WASHC2A: variants seen among roughly 807,000 people sequenced by gnomAD.
The protein encoded by WASHC2A is WASH complex subunit FAM21A.
In WASHC2A, 82 loss-of-function variants were observed where a neutral mutation model predicts 140.3. That is an observed-to-expected ratio of 0.58 (90% confidence interval 0.49 to 0.70). The LOEUF is 0.70. WASHC2A is among the 30% of genes least tolerant of loss of function. The pLI is 0.00. For synonymous variants in WASHC2A, 340 were observed against 560.8 expected, an observed-to-expected ratio of 0.61 and a Z score of 5.56; for missense variants, 985 against 1,521.8, an observed-to-expected ratio of 0.65 and a Z score of 5.87.
intron 8 of WASHC2A, among the ~76,000 whole-genome samples, chr10:50,090,515 A>AAAAATATATATATATATATATAT (rs1214596899): frequency 4.0e-4 from 43 of 108,710 alleles, no homozygotes; most frequent in African/African-American, 1.3e-3. Context: ...AAAAAAAAAA[A>AAAAATATATATATATATATATAT]ATATATATAT....
rs782757963 is a variant in WASHC2A at position 50,095,739 on chromosome 10, G to C, written c.1381G>C (p.Asp461His). Residue 461 changes from aspartate to histidine, a missense_variant, in exon 15 of 31, where the codon GAC becomes CAC. Asp to His is a moderately conservative substitution (Grantham distance 81, BLOSUM62 -1). Transcript: ENST00000282633. Reference protein sequence around the residue: ...FDDDDGDDDDDFFSAPHSKPS... With the variant: ...FDDDDGDDDDHFFSAPHSKPS... Reference sequence around the variant, plus strand: ...TGATGATGATGGTGATGATGATGACGACTTTTTCTCGGCACCCCACAGCAA... The same window carrying C: ...TGATGATGATGGTGATGATGATGACCACTTTTTCTCGGCACCCCACAGCAA... 3 of 1,611,144 alleles carry C rather than the reference G, an allele frequency of 1.9e-6. No individual in the cohort carries two copies. Among genetic ancestry groups the C allele is most frequent in the Non-Finnish European group, 1.7e-6 (2 of 1,179,618 alleles).
At chr10:50,095,916 G>A in intron 15 of WASHC2A, 138 bp downstream of exon 15, 2 of 1,041,404 alleles carry the variant, frequency 1.9e-6, no homozygotes, top group Non-Finnish European at 2.8e-6. Flanking sequence ...GAGTTGTTGT[G>A]TCTGTACTTA....
rs1337755945 is a variant in WASHC2A, at chr10:50,098,904, C to G, written c.1549-1074C>G. On this transcript the variant is annotated intron_variant, in intron 16 of 30. Transcript: ENST00000282633. ...GACACATCAGGTCCACTGTCTGCCT[C>G]ATTCAGACACGTTTGTCACTTGGTT... 2.0e-5 allele frequency among the ~76,000 whole-genome samples: 3 copies of G among 150,362 alleles called. No homozygotes were observed. The East Asian group carries it at 6.0e-4, about 30-fold the overall frequency.
At chr10:50,132,538 G>A (rs1372386394) in intron 30 of WASHC2A, among the ~76,000 whole-genome samples, 1 of 152,180 alleles carries the variant, frequency 6.6e-6, no homozygotes, top group Non-Finnish European at 1.5e-5. Flanking sequence ...ATCAAGTTAC[G>A]CTTCCCTTTT....
At chr10:50,068,882 T>C (rs1370078133) in intron 2 of WASHC2A, among the ~76,000 whole-genome samples, 1 of 145,268 alleles carries the variant, frequency 6.9e-6, no homozygotes, top group Non-Finnish European at 1.5e-5. Context: ...CTGATTTGTT[T>C]ATTTATTTAA....
intron 20 of WASHC2A, among the ~76,000 whole-genome samples, chr10:50,110,820 G>C (rs1842219998): frequency 6.7e-6 from 1 of 150,044 alleles, no homozygotes; most frequent in Non-Finnish European, 1.5e-5. Context: ...TTGAACTTGG[G>C]AGGTGGAGGT....
At chr10:50,101,843 C>T (rs1554886933) in intron 17 of WASHC2A, among the ~76,000 whole-genome samples, 3 of 148,376 alleles carry the variant, frequency 2.0e-5, no homozygotes, top group Non-Finnish European at 3.0e-5. Flanking sequence ...TGTCTGGTAC[C>T]TGGGCACTGG....
At chr10:50,132,216 G>A (rs537380370) in intron 30 of WASHC2A, among the ~76,000 whole-genome samples, 3 of 152,300 alleles carry the variant, frequency 2.0e-5, no homozygotes, top group South Asian at 4.1e-4. Context: ...TACCATTTGT[G>A]TACACCTAAC....
intron 3 of WASHC2A, among the ~76,000 whole-genome samples, chr10:50,075,117 A>G (rs1362668916): frequency 6.6e-6 from 1 of 151,908 alleles, no homozygotes; most frequent in Non-Finnish European, 1.5e-5. Context: ...AACTTATTTA[A>G]CCCATCTTTG....
In WASHC2A at chr10:50,095,298, G is replaced by A. The variant is rs1840364944; in HGVS notation, c.1240+91G>A. 7.8e-6 allele frequency: 9 copies of A among 1,147,512 alleles called. No homozygotes were observed. In the South Asian group the frequency reaches 8.0e-5, roughly 10 times the overall value. The allele number at this position is 1,147,512 out of a possible 1,614,324, so 71.1% of individuals were successfully genotyped here. A position where few individuals can be genotyped will look rare whatever the true frequency, so the allele number is the denominator to read the frequency against. On this transcript the variant is annotated intron_variant, in intron 14 of 30. Coordinates refer to ENST00000282633, the MANE Select transcript of WASHC2A (RefSeq NM_001005751.3). ...CATCTTCTAAAGTCTGGCTGGAGATGAGGAAGTACCTGGGAGCTTCAAAGG... is the reference window on the plus strand; with the variant it reads ...CATCTTCTAAAGTCTGGCTGGAGATAAGGAAGTACCTGGGAGCTTCAAAGG...
chr10:50,073,109 A>G (rs1392758805), intron 3 of WASHC2A, among the ~76,000 whole-genome samples: 2 of 152,206 alleles, frequency 1.3e-5, no homozygotes, highest in African/African-American at 2.4e-5. Context: ...CCAGTGTTCT[A>G]GTGTCTAATT....
chr10:50,101,912 C>T (rs1554886953), intron 17 of WASHC2A, among the ~76,000 whole-genome samples: 4 of 152,062 alleles, frequency 2.6e-5, no homozygotes, highest in African/African-American at 4.8e-5. Flanking sequence ...TCAGGGAAGC[C>T]GGTCCTCTTA....
rs1175760049 is a variant in WASHC2A, at chr10:50,092,052, G to A, written c.932-110G>A. The A allele has an allele frequency of 4.5e-6, 7 of 1,561,340 alleles. No homozygotes were observed. In the Admixed American group the frequency reaches 1.3e-4, roughly 28 times the overall value. On this transcript the variant is annotated intron_variant, in intron 10 of 30. Coordinates refer to ENST00000282633, the MANE Select transcript of WASHC2A (RefSeq NM_001005751.3). The stretch of plus-strand genomic sequence containing the variant: ...TCTGGTGCAGCTGAGATGAAAGGCA[G>A]ATGTCTTGCTCTTAGCTGTGAGTTA...
chr10:50,124,178 C>T (rs1259334937), intron 23 of WASHC2A, among the ~76,000 whole-genome samples: 1 of 152,064 alleles, frequency 6.6e-6, no homozygotes, highest in African/African-American at 2.4e-5. Context: ...GATCTCGGCC[C>T]ACTGCAGCCT....
In WASHC2A at chr10:50,095,673, A is replaced by C. The variant is rs1330400096; in HGVS notation, c.1315A>C (p.Arg439=). 93 of 1,611,742 alleles carry C rather than the reference A, an allele frequency of 5.8e-5. 1 individual carries two copies. In the East Asian group the frequency reaches 1.1e-3, roughly 19 times the overall value. The stretch of plus-strand genomic sequence containing the variant: ...ACAGAAGCCTGAGCAGCCCACTCCA[A>C]GGAAAAGCCCCTATGGTCCCCCTCC... The part of the protein sequence containing the change: ...EPQKPEQPTP[R]KSPYGPPPTG... The change falls in exon 15 of 31, where the codon AGG becomes CGG. Residue 439 remains arginine, a synonymous_variant. Transcript: ENST00000282633.
At chr10:50,106,595 T>C (rs1211151156) in intron 19 of WASHC2A, 130 bp downstream of exon 19, 1 of 1,437,624 alleles carries the variant, frequency 7.0e-7, no homozygotes, top group Non-Finnish European at 9.4e-7. Context: ...GTTCACAAGA[T>C]TGTCTTTTCT....
rs1589198078 is a variant in WASHC2A at position 50,093,281 on chromosome 10, C to G, written c.1017C>G (p.Asn339Lys). ...TCTGTTTGCTAGATGAAGAGGATAA[C>G]TTATTCGCACCCCCCAAGCTGACCG... is the stretch of plus-strand genomic sequence containing the variant. ...RRTPSDDEED[N>K]LFAPPKLTDE... Residue 339 changes from asparagine (N) to lysine (K), a missense_variant, in exon 12 of 31, where the codon AAC becomes AAG. Asn to Lys is a moderately conservative substitution (Grantham distance 94). Transcript: ENST00000282633. 13 of 1,024,576 alleles carry G rather than the reference C, an allele frequency of 1.3e-5. No homozygotes were observed. In the East Asian group the frequency reaches 3.0e-4, roughly 24 times the overall value. 63.5% of individuals were successfully genotyped at this position (1,024,576 alleles called of 1,614,324 possible). A position where few individuals can be genotyped will look rare whatever the true frequency, so the allele number is the denominator to read the frequency against.
At chr10:50,112,149 C>T (rs550552271) in intron 20 of WASHC2A, 1 of 984,350 alleles carries the variant, frequency 1.0e-6, no homozygotes, top group Non-Finnish European at 1.2e-6. Flanking sequence ...TGCACTGTAT[C>T]CAGGTTAGCT....
intron 17 of WASHC2A, among the ~76,000 whole-genome samples, chr10:50,101,698 A>C (rs1554886863): frequency 1.3e-5 from 2 of 152,344 alleles, no homozygotes; most frequent in African/African-American, 4.8e-5. Context: ...CAAGTAACTC[A>C]AAAACCTAGT....
Sources: allele counts gnomAD v4.1 joint callset (sites outside exome capture counted in the v4.1 genomes callset), GRCh38; gene constraint gnomAD v4.1.1; transcripts MANE v1.5; gene names NCBI Gene and HGNC (gene_info 2026-07-23, HGNC 2026-07-21).